Variants in CNTNAP5 observed in about 807,000 individuals in gnomAD.
CNTNAP5 encodes contactin associated protein family member 5, also known as contactin-associated protein-like 5.
Under a neutral mutation model 150.2 loss-of-function variants are expected in CNTNAP5, and 72 were observed. That is an observed-to-expected ratio of 0.48 (90% CI 0.40 to 0.58). The LOEUF (loss-of-function observed/expected upper bound fraction) is 0.58, where lower values mean the gene tolerates loss of function less well. CNTNAP5 is among the 20% of genes least tolerant of loss of function. CNTNAP5 has a pLI of 0.00. For missense variants in CNTNAP5, 1,636 were observed against 1,626.2 expected (o/e 1.01, Z -0.10); for synonymous variants, 672 against 619.8 (o/e 1.08, Z -1.25).
intron 3 of CNTNAP5, among the ~76,000 whole-genome samples, chr2:124,405,753 T>C (rs1691553433): frequency 6.6e-6 from 1 of 152,226 alleles, no homozygotes; most frequent in Non-Finnish European, 1.5e-5. Flanking sequence ...TAGTTTAGAA[T>C]TTTATATGCA....
At chr2:124,619,622 A>G (rs1270964052) in intron 12 of CNTNAP5, among the ~76,000 whole-genome samples, 1 of 151,896 alleles carries the variant, frequency 6.6e-6, no homozygotes, top group East Asian at 1.9e-4. Flanking sequence ...ATTGACCTCC[A>G]TAATGGGGAT....
chr2:124,429,895 A>G (rs143045776), intron 4 of CNTNAP5, among the ~76,000 whole-genome samples: 3 of 152,284 alleles, frequency 2.0e-5, no homozygotes, highest in African/African-American at 7.2e-5. Context: ...AGGCACCTCA[A>G]TGGATCACAG....
chr2:124,804,914 A>G (rs889163985), intron 19 of CNTNAP5, among the ~76,000 whole-genome samples: 1 of 152,234 alleles, frequency 6.6e-6, no homozygotes, highest in Non-Finnish European at 1.5e-5. Flanking sequence ...AAGTAATAAT[A>G]TGAATGATCT....
At chr2:124,698,791 G>C (rs1679458995) in intron 13 of CNTNAP5, among the ~76,000 whole-genome samples, 3 of 152,206 alleles carry the variant, frequency 2.0e-5, no homozygotes, top group South Asian at 4.2e-4. Context: ...CCCCTGGGGA[G>C]CCTCCCACTC....
intron 19 of CNTNAP5, among the ~76,000 whole-genome samples, chr2:124,802,438 C>CA (rs1282349563): frequency 6.6e-6 from 1 of 152,052 alleles, no homozygotes; most frequent in Admixed American, 6.5e-5. Flanking sequence ...TCTTCCTAAA[C>CA]AAAAAGAAAT....
intron 3 of CNTNAP5, among the ~76,000 whole-genome samples, chr2:124,408,781 G>T (rs1691665615): frequency 1.3e-5 from 2 of 151,728 alleles, no homozygotes; most frequent in Non-Finnish European, 2.9e-5. Context: ...CCACAAAGAT[G>T]GGGAAAAAAC....
rs528873383 is a variant in CNTNAP5, at chr2:124,713,841, T to C, written c.2078-33388T>C. 3.3e-5 allele frequency among the ~76,000 whole-genome samples: 5 copies of C among 152,262 alleles called. No individual in the cohort carries two copies. The South Asian group carries it at 1.0e-3, about 32-fold the overall frequency. ...TTTAGGAGCAATCCCAACTTCTTTA[T>C]CAAGGAGCATGAGGCTCATCAACAC... On this transcript the variant is annotated intron_variant, in intron 13 of 23. Coordinates refer to ENST00000682447, the MANE Select transcript of CNTNAP5 (RefSeq NM_001367498.1).
intron 17 of CNTNAP5, among the ~76,000 whole-genome samples, chr2:124,773,392 C>T (rs970911487): frequency 6.6e-6 from 1 of 152,108 alleles, no homozygotes; most frequent in Non-Finnish European, 1.5e-5. Context: ...GGCTGCCCTT[C>T]CAAGTGCTGC....
At chr2:124,228,530 T>C (rs1161217836) in intron 2 of CNTNAP5, among the ~76,000 whole-genome samples, 1 of 152,166 alleles carries the variant, frequency 6.6e-6, no homozygotes, top group Non-Finnish European at 1.5e-5. Flanking sequence ...TAAGTTAGCA[T>C]GTGACAACTT....
chr2:124,733,786 G>A (rs945576348), intron 13 of CNTNAP5, among the ~76,000 whole-genome samples: 5 of 152,176 alleles, frequency 3.3e-5, no homozygotes, highest in South Asian at 2.1e-4. Context: ...TGTGTGCAGA[G>A]TAGATTGCAG....
intron 6 of CNTNAP5, among the ~76,000 whole-genome samples, chr2:124,471,460 T>C (rs1693513285): frequency 6.6e-6 from 1 of 152,184 alleles, no homozygotes; most frequent in Non-Finnish European, 1.5e-5. Flanking sequence ...TAATAAGCTT[T>C]TGGGCTGAGA....
At chr2:124,665,210 T>A (rs1207773038) in intron 13 of CNTNAP5, among the ~76,000 whole-genome samples, 3 of 152,218 alleles carry the variant, frequency 2.0e-5, no homozygotes. Context: ...CTATCTACTA[T>A]AAAGTGAATC....
At chr2:124,303,579 T>C (rs1688615728) in intron 3 of CNTNAP5, among the ~76,000 whole-genome samples, 1 of 152,180 alleles carries the variant, frequency 6.6e-6, no homozygotes. Context: ...CATCGACACA[T>C]TGAAGTGTAA....
At chr2:124,060,054 G>A (rs1208884108) in intron 1 of CNTNAP5, among the ~76,000 whole-genome samples, 2 of 152,116 alleles carry the variant, frequency 1.3e-5, no homozygotes, top group African/African-American at 2.4e-5. Context: ...CTAGTTGGCT[G>A]GTGTCCATAA....
chr2:124,256,203 A>G (rs1687310663), intron 3 of CNTNAP5, among the ~76,000 whole-genome samples: 1 of 152,154 alleles, frequency 6.6e-6, no homozygotes, highest in East Asian at 1.9e-4. Context: ...CGTTCGGATA[A>G]TATATTATAT....
At chr2:124,060,104 T>A (rs1411819218) in intron 1 of CNTNAP5, among the ~76,000 whole-genome samples, 1 of 152,180 alleles carries the variant, frequency 6.6e-6, no homozygotes, top group Non-Finnish European at 1.5e-5. Flanking sequence ...TAAGAAATTC[T>A]ATTTTAGTGT....
intron 1 of CNTNAP5, among the ~76,000 whole-genome samples, chr2:124,197,946 A>C (rs1378495675): frequency 2.0e-5 from 3 of 151,626 alleles, no homozygotes; most frequent in African/African-American, 7.3e-5. Context: ...GCGCCACTGC[A>C]CTCCAGCCTG....
chr2:124,837,495 A>G (rs1195582649), intron 19 of CNTNAP5, among the ~76,000 whole-genome samples: 5 of 152,180 alleles, frequency 3.3e-5, no homozygotes, highest in African/African-American at 1.2e-4. Context: ...ATAGTTATCC[A>G]GATAAAATGT....
At chr2:124,791,928 C>G (rs1294368113) in intron 18 of CNTNAP5, among the ~76,000 whole-genome samples, 3 of 151,914 alleles carry the variant, frequency 2.0e-5, no homozygotes, top group African/African-American at 7.3e-5. Context: ...AAATTATTTC[C>G]TCTATATTTA....
Sources: gnomAD v4.1 joint callset for allele counts (sites outside exome capture counted in the v4.1 genomes callset) on GRCh38, gnomAD v4.1.1 for gene constraint, MANE v1.5 for transcripts, NCBI Gene and HGNC (gene_info 2026-07-23, HGNC 2026-07-21) for gene names.